PARD3B: variants seen among roughly 807,000 people sequenced by gnomAD.
PARD3B encodes the protein par-3 family cell polarity regulator beta, also known as partitioning defective 3 homolog B.
A neutral mutation model predicts 130.2 loss-of-function variants in PARD3B; 103 were observed. The observed-to-expected ratio is 0.79, with a 90% CI of 0.67 to 0.93. The LOEUF (loss-of-function observed/expected upper bound fraction) is 0.93. Among genes scored for constraint, PARD3B ranks in the 40% least tolerant of loss-of-function variants. The probability of loss-of-function intolerance (pLI) is 0.00; values close to 1 mark genes in which losing one functional copy is unlikely to be tolerated. For synonymous variants in PARD3B, 583 were observed against 553.2 expected (o/e 1.05, Z -0.76); for missense variants, 1,609 against 1,499.2 (o/e 1.07, Z -1.21).
chr2:205,433,264 G>A (rs1354964847), intron 19 of PARD3B, among the ~76,000 whole-genome samples: 1 of 152,090 alleles, frequency 6.6e-6, no homozygotes, highest in African/African-American at 2.4e-5. Flanking sequence ...TGGGCACGGT[G>A]GCTCATGCCT....
intron 18 of PARD3B, among the ~76,000 whole-genome samples, chr2:205,334,886 T>C (rs2043254482): frequency 6.6e-6 from 1 of 152,250 alleles, no homozygotes; most frequent in Non-Finnish European, 1.5e-5. Flanking sequence ...GTCTTTTACC[T>C]AAGGCAGATG....
chr2:204,724,032 G>A (rs1232682962), intron 2 of PARD3B, among the ~76,000 whole-genome samples: 1 of 152,084 alleles, frequency 6.6e-6, no homozygotes, highest in Non-Finnish European at 1.5e-5. Flanking sequence ...TATGGCTAAT[G>A]CCTTTCCTTA....
intron 20 of PARD3B, among the ~76,000 whole-genome samples, chr2:205,489,491 ATGTG>A (rs767992238): frequency 7.1e-6 from 1 of 141,138 alleles, no homozygotes; most frequent in Admixed American, 7.4e-5. Context: ...ATACATATAT[ATGTG>A]TGTATATATA....
At chr2:204,569,614 T>A (rs1267711780) in intron 1 of PARD3B, among the ~76,000 whole-genome samples, 1 of 152,198 alleles carries the variant, frequency 6.6e-6, no homozygotes, top group Non-Finnish European at 1.5e-5. Context: ...GGTAGATAGT[T>A]GTCTATTAAG....
intron 2 of PARD3B, among the ~76,000 whole-genome samples, chr2:204,894,634 A>G (rs1163408501): frequency 6.6e-6 from 1 of 152,112 alleles, no homozygotes; most frequent in African/African-American, 2.4e-5. Flanking sequence ...TTTGCATCTA[A>G]TAATGAAAAT....
intron 19 of PARD3B, among the ~76,000 whole-genome samples, chr2:205,423,085 A>T (rs1362773003): frequency 6.6e-6 from 1 of 152,202 alleles, no homozygotes; most frequent in Non-Finnish European, 1.5e-5. Context: ...CATTCCTGGT[A>T]GTCATCTTGT....
intron 11 of PARD3B, among the ~76,000 whole-genome samples, chr2:205,171,869 A>G (rs969165844): frequency 6.6e-6 from 1 of 152,180 alleles, no homozygotes; most frequent in Non-Finnish European, 1.5e-5. Context: ...CCTTCCCTTG[A>G]GTCAACAACA....
chr2:204,857,113 T>A (rs1014962739), intron 2 of PARD3B, among the ~76,000 whole-genome samples: 2 of 152,154 alleles, frequency 1.3e-5, no homozygotes, highest in African/African-American at 4.8e-5. Context: ...CTGAAGCCAG[T>A]GAAATTCATA....
chr2:205,321,118 T>C lies in PARD3B; in HGVS notation c.2630+19417T>C, dbSNP rs546584638. Among the ~76,000 whole-genome samples, 84 of 152,334 alleles carry C rather than the reference T, an allele frequency of 5.5e-4. No homozygotes were observed. The highest frequency in any genetic ancestry group is 2.0e-3 in the African/African-American group (82 of 41,576). The stretch of plus-strand genomic sequence containing the variant: ...TTAAATAATTGATGATAACTGTAGC[T>C]AAAACATTAATATAGTTTAGAGATG... On this transcript the variant is annotated intron_variant, in intron 18 of 22. Coordinates refer to ENST00000406610, the MANE Select transcript of PARD3B (RefSeq NM_001302769.2). This position sits in a 1 kb window ranked among gnomAD's most constrained non-coding sequence, Gnocchi z 4.2.
chr2:205,551,103 A>G (rs551937261), intron 21 of PARD3B, among the ~76,000 whole-genome samples: 1 of 151,212 alleles, frequency 6.6e-6, no homozygotes, highest in Non-Finnish European at 1.5e-5. Context: ...ACAGTTCTGG[A>G]TAACGGTGCT....
chr2:205,477,684 C>A (rs2049074269), intron 20 of PARD3B, among the ~76,000 whole-genome samples: 1 of 152,082 alleles, frequency 6.6e-6, no homozygotes, highest in Non-Finnish European at 1.5e-5. Context: ...TTTTTATTGT[C>A]CCCAAGATTT....
chr2:204,702,980 C>T (rs2037966000), intron 2 of PARD3B, among the ~76,000 whole-genome samples: 1 of 152,038 alleles, frequency 6.6e-6, no homozygotes, highest in Non-Finnish European at 1.5e-5. Flanking sequence ...TTGGAATATT[C>T]TTCATGATTC....
At chr2:205,391,540 T>C (rs2045860110) in intron 18 of PARD3B, among the ~76,000 whole-genome samples, 1 of 152,224 alleles carries the variant, frequency 6.6e-6, no homozygotes, top group East Asian at 1.9e-4. Context: ...TCTATTTCCA[T>C]AATGTTCCTG....
intron 21 of PARD3B, among the ~76,000 whole-genome samples, chr2:205,547,956 T>C (rs930938678): frequency 1.3e-5 from 2 of 152,160 alleles, no homozygotes; most frequent in African/African-American, 4.8e-5. Flanking sequence ...TTGGATGAAG[T>C]GCACTAACAC....
chr2:204,936,566 G>T (rs1264293402), intron 2 of PARD3B, among the ~76,000 whole-genome samples: 1 of 151,948 alleles, frequency 6.6e-6, no homozygotes, highest in Non-Finnish European at 1.5e-5. Context: ...TAATATTATT[G>T]TCCTACTTTT....
Position 205,458,225 on chromosome 2 carries a change from A to G in PARD3B, c.3044+17553A>G, listed in dbSNP as rs1197733457. Reference sequence around the variant, plus strand: ...ATCTTTGAAAAATTCTCAGCTGGTCACACCTCTTCAGAATTGTTTCTGTTC... The same window carrying G: ...ATCTTTGAAAAATTCTCAGCTGGTCGCACCTCTTCAGAATTGTTTCTGTTC... On this transcript the variant is annotated intron_variant, in intron 20 of 22. Coordinates refer to ENST00000406610, the MANE Select transcript of PARD3B (RefSeq NM_001302769.2). This position sits in a 1 kb window ranked among gnomAD's most constrained non-coding sequence, Gnocchi z 4.8. 6.6e-6 allele frequency among the ~76,000 whole-genome samples: 1 copy of G among 152,040 alleles called. No homozygotes were observed. The highest frequency in any genetic ancestry group is 1.5e-5 in the Non-Finnish European group (1 of 67,990).
chr2:205,517,440 G>T (rs73058196), intron 21 of PARD3B, among the ~76,000 whole-genome samples: 1 of 151,922 alleles, frequency 6.6e-6, no homozygotes, highest in Non-Finnish European at 1.5e-5. Context: ...TTCATCATTT[G>T]TAATTGTGTT....
chr2:205,043,835 T>C (rs928033210), intron 3 of PARD3B, among the ~76,000 whole-genome samples: 2 of 152,062 alleles, frequency 1.3e-5, no homozygotes, highest in African/African-American at 4.8e-5. Context: ...CTTTAAGTTT[T>C]AGGGTACATG....
chr2:205,219,868 G>A (rs114410868), intron 15 of PARD3B, among the ~76,000 whole-genome samples: 1,594 of 152,248 alleles, frequency 0.01, 20 homozygotes, highest in African/African-American at 0.034. Context: ...CATGAAGAGA[G>A]CAGACATGGT....
Sources: gnomAD v4.1 joint callset for allele counts (sites outside exome capture counted in the v4.1 genomes callset) on GRCh38, gnomAD v4.1.1 for gene constraint, Gnocchi (gnomAD v3.1) non-coding constraint, MANE v1.5 for transcripts, NCBI Gene and HGNC (gene_info 2026-07-23, HGNC 2026-07-21) for gene names.